Variants in HOGA1 observed in about 807,000 individuals in gnomAD.
The protein encoded by HOGA1 is 4-hydroxy-2-oxoglutarate aldolase 1.
A neutral mutation model predicts 34.3 loss-of-function variants in HOGA1; 30 were observed. The ratio of observed to expected loss-of-function variants is 0.87; its 90% CI spans 0.65 to 1.19. The LOEUF (loss-of-function observed/expected upper bound fraction) is 1.19, where lower values mean the gene tolerates loss of function less well. Ranked by LOEUF, HOGA1 falls within the 50% of genes most tolerant of loss-of-function variation. HOGA1 has a pLI of 0.00. For missense variants in HOGA1, 417 were observed against 436.5 expected (o/e 0.96, Z 0.40); for synonymous variants, 161 against 174.0 (o/e 0.93, Z 0.59).
intron 1 of HOGA1, chr10:97,590,354 C>T (rs775259178): frequency 4.6e-5 from 74 of 1,613,894 alleles, no homozygotes; most frequent in Non-Finnish European, 6.0e-5. Context: ...CATAGCTTAC[C>T]AGCACTCAGG....
chr10:97,590,020 C>T, intron 1 of HOGA1: 2 of 1,614,186 alleles, frequency 1.2e-6, no homozygotes, highest in Non-Finnish European at 1.7e-6. Context: ...ACTTTAGCCG[C>T]CTTTCCGAAG....
intron 3 of HOGA1, 102 bp from the exon 4 acceptor site, chr10:97,599,578 C>T (rs2041099749): frequency 2.0e-6 from 3 of 1,470,234 alleles, no homozygotes; most frequent in Admixed American, 1.7e-5. Flanking sequence ...TCCAGGTGGC[C>T]CTGTAGTGAA....
At position 97,599,768 on chromosome 10, in the gene HOGA1, T is replaced by C. The variant is rs2041101681; in HGVS notation, c.557T>C (p.Leu186Pro). 1 of 1,614,210 alleles carries C rather than the reference T, an allele frequency of 6.2e-7. No homozygotes were observed. The highest frequency in any genetic ancestry group is 8.5e-7 in the Non-Finnish European group (1 of 1,180,038). Residue 186 changes from leucine (L) to proline (P), a missense_variant, in exon 4 of 7, where the codon CTT (leucine) becomes CCT (proline). Physicochemically the swap from Leu to Pro is moderately conservative, Grantham distance 98. Coordinates refer to ENST00000370646, the MANE Select transcript of HOGA1 (RefSeq NM_138413.4). ...LDLPVDAVVT[L>P]SQHPNIVGMK... is the part of the protein sequence containing the mutation. Reference sequence around the variant, plus strand: ...CTGCCTGTGGATGCAGTGGTCACGCTTTCCCAGCACCCGAATATTGTGGGC... The same window carrying C: ...CTGCCTGTGGATGCAGTGGTCACGCCTTCCCAGCACCCGAATATTGTGGGC...
chr10:97,598,995 C>G, intron 2 of HOGA1, 92 bp downstream of exon 2: 2 of 1,607,852 alleles, frequency 1.2e-6, no homozygotes, highest in Non-Finnish European at 1.7e-6. Context: ...CTTGTTCTGC[C>G]TCTTCTGGGA....
intron 1 of HOGA1, chr10:97,590,305 C>G (rs770460210): frequency 1.6e-5 from 26 of 1,613,784 alleles, no homozygotes; most frequent in East Asian, 4.5e-5. Context: ...AGATTGACAC[C>G]CAGGGGCGGC....
chr10:97,592,491 C>T (rs1460070794), intron 1 of HOGA1, among the ~76,000 whole-genome samples: 2 of 151,746 alleles, frequency 1.3e-5, no homozygotes, highest in African/African-American at 2.4e-5. Flanking sequence ...CCGCCAGCCT[C>T]GGCCTCCCAA....
In HOGA1 at chr10:97,584,596, C is replaced by A. The variant is rs1216174899; in HGVS notation, c.-108C>A. On this transcript the variant is annotated 5_prime_UTR_variant, in exon 1 of 7. Coordinates refer to ENST00000370646, the MANE Select transcript of HOGA1 (RefSeq NM_138413.4). ...CCCAGTGGCCACAAGTCAGGGAGGC[C>A]GCAAATTTTTAACTAGAAACATTGA... 1.8e-6 allele frequency: 2 copies of A among 1,108,514 alleles called. No homozygotes were observed. The highest frequency in any genetic ancestry group is 2.4e-5 in the East Asian group (1 of 42,104). 68.7% of individuals were successfully genotyped at this position (1,108,514 alleles called of 1,614,324 possible). A position where few individuals can be genotyped will look rare whatever the true frequency, so the allele number is the denominator to read the frequency against.
At chr10:97,594,089 G>A (rs1303389945) in intron 1 of HOGA1, among the ~76,000 whole-genome samples, 2 of 150,926 alleles carry the variant, frequency 1.3e-5, no homozygotes, top group South Asian at 2.1e-4. Context: ...GGCTGGTCTC[G>A]AACTCCTGAC....
chr10:97,592,104 G>A (rs150714435), intron 1 of HOGA1, among the ~76,000 whole-genome samples: 15 of 151,866 alleles, frequency 9.9e-5, no homozygotes, highest in African/African-American at 3.6e-4. Context: ...GACTCAAACT[G>A]GCAAAATTCA....
chr10:97,593,851 C>T (rs529015484), intron 1 of HOGA1, among the ~76,000 whole-genome samples: 63 of 152,012 alleles, frequency 4.1e-4, no homozygotes, highest in African/African-American at 1.4e-3. Flanking sequence ...AGTGCAGTGT[C>T]TGGGGAACCA....
intron 2 of HOGA1, 70 bp from the exon 3 acceptor site, chr10:97,599,019 C>T: frequency 1.2e-6 from 2 of 1,607,860 alleles, no homozygotes; most frequent in Admixed American, 3.3e-5. Context: ...GCTGAGGCAC[C>T]TTCGCTTGGC....
intron 1 of HOGA1, among the ~76,000 whole-genome samples, chr10:97,596,379 G>A (rs773567927): frequency 2.0e-5 from 3 of 152,196 alleles, no homozygotes; most frequent in South Asian, 2.1e-4. Context: ...ATCAGTGGCC[G>A]CAGCAAGAAC....
intron 1 of HOGA1, among the ~76,000 whole-genome samples, chr10:97,592,365 C>T (rs941977188): frequency 1.1e-4 from 17 of 150,968 alleles, no homozygotes; most frequent in Non-Finnish European, 2.4e-4. Flanking sequence ...CTCAGTCTCT[C>T]GAGTAGCTGG....
rs201450556 is a variant in HOGA1, at chr10:97,599,172, C to T, written c.424C>T (p.Arg142Cys). Residue 142 changes from arginine (R) to cysteine (C), a missense_variant, in exon 3 of 7, where the codon CGT (arginine) becomes TGT (cysteine). Coordinates refer to ENST00000370646, the MANE Select transcript of HOGA1 (RefSeq NM_138413.4). ...CATGGTGGTGACCCCTTGCTACTATCGTGGCCGCATGAGCAGTGCGGCCCT... is the reference window on the plus strand; with the variant it reads ...CATGGTGGTGACCCCTTGCTACTATTGTGGCCGCATGAGCAGTGCGGCCCT... ...AAMVVTPCYY[R>C]GRMSSAALIH... 4.1e-5 allele frequency: 66 copies of T among 1,613,810 alleles called. No homozygotes were observed. In the East Asian group the frequency reaches 7.8e-4, roughly 19 times the overall value.
At chr10:97,599,965 G>C (rs1246075360) in intron 4 of HOGA1, 102 bp from the exon 5 acceptor site, 1 of 1,489,808 alleles carries the variant, frequency 6.7e-7, no homozygotes, top group Non-Finnish European at 9.4e-7. Context: ...CTTTCTTGAG[G>C]GCATCTCTTT....
rs1380918472 is a variant in HOGA1 at position 97,584,836 on chromosome 10, C to G, written c.133C>G (p.Pro45Ala). The change falls in exon 1 of 7, where the codon CCC becomes GCC. Residue 45 changes from proline to alanine, a missense_variant. Pro to Ala is a conservative substitution (Grantham distance 27, BLOSUM62 -1). Coordinates refer to ENST00000370646, the MANE Select transcript of HOGA1 (RefSeq NM_138413.4). ...GGGTATCTACCCCCCTGTGACCACC[C>G]CCTTCACTGCCACTGCAGAGGTGGA... ...IAGIYPPVTT[P>A]FTATAEVDYG... The G allele has an allele frequency of 9.3e-6, 15 of 1,613,954 alleles. No homozygotes were observed. Among genetic ancestry groups the G allele is most frequent in the Non-Finnish European group, 1.2e-5 (14 of 1,179,998 alleles).
Position 97,584,826 on chromosome 10 carries a change from T to C in HOGA1, c.123T>C (p.Pro41=), listed in dbSNP as rs1299629192. 1 of 1,614,036 alleles carries C rather than the reference T, an allele frequency of 6.2e-7. No individual in the cohort carries two copies. Among genetic ancestry groups the C allele is most frequent in the African/African-American group, 1.3e-5 (1 of 75,044 alleles). The change falls in exon 1 of 7, where the codon CCT becomes CCC. Residue 41 remains proline (P), a synonymous_variant. Transcript: ENST00000370646. ...KKVDIAGIYP[P]VTTPFTATAE... The stretch of plus-strand genomic sequence containing the variant: ...TGGACATTGCGGGTATCTACCCCCC[T>C]GTGACCACCCCCTTCACTGCCACTG...
At chr10:97,610,143 C>T (rs1274079860) in intron 6 of HOGA1, among the ~76,000 whole-genome samples, 1 of 152,158 alleles carries the variant, frequency 6.6e-6, no homozygotes, top group Non-Finnish European at 1.5e-5. Flanking sequence ...TTTGATGCTT[C>T]ATTTATTCTG....
intron 1 of HOGA1, among the ~76,000 whole-genome samples, chr10:97,597,260 T>C (rs1313919685): frequency 6.6e-6 from 1 of 152,034 alleles, no homozygotes; most frequent in Non-Finnish European, 1.5e-5. Flanking sequence ...CCCAAGGTGG[T>C]CTCGAACTTC....
Sources: gnomAD v4.1 joint callset for allele counts (sites outside exome capture counted in the v4.1 genomes callset) on GRCh38, gnomAD v4.1.1 for gene constraint, MANE v1.5 for transcripts, NCBI Gene and HGNC (gene_info 2026-07-23, HGNC 2026-07-21) for gene names.